The following DCC variants were observed in gnomAD, a reference collection of about 807,000 sequenced individuals.
The protein encoded by DCC is netrin receptor DCC.
In DCC, 58 loss-of-function variants were observed where a neutral mutation model predicts 172.5. That is an observed-to-expected ratio of 0.34 (90% CI 0.27 to 0.42). The LOEUF (loss-of-function observed/expected upper bound fraction) is 0.42. DCC is among the 10% of genes least tolerant of loss of function. The pLI, the probability that DCC is intolerant of heterozygous loss-of-function variation, is 1.00. For synonymous variants in DCC, 709 were observed against 644.5 expected, an observed-to-expected ratio of 1.10 and a Z score of -1.52; for missense variants, 1,740 against 1,791.0, an observed-to-expected ratio of 0.97 and a Z score of 0.51.
At chr18:53,051,404 A>C (rs564529401) in intron 5 of DCC, among the ~76,000 whole-genome samples, 4 of 152,060 alleles carry the variant, frequency 2.6e-5, no homozygotes, top group African/African-American at 9.7e-5. Context: ...GTTTATAATG[A>C]TGGAATTCTT....
chr18:52,497,332 T>C (rs1416689640), intron 1 of DCC, among the ~76,000 whole-genome samples: 7 of 103,960 alleles, frequency 6.7e-5, no homozygotes, highest in Non-Finnish European at 1.2e-4. Context: ...CACATATATA[T>C]ACACACGTAT....
Position 53,530,752 on chromosome 18 carries a change from T to C in DCC, c.*99T>C. The C allele has an allele frequency of 2.6e-6, 2 of 775,966 alleles. No individual in the cohort carries two copies. Among genetic ancestry groups the C allele is most frequent in the Admixed American group, 3.5e-5 (2 of 57,284 alleles). The allele number at this position is 775,966 out of a possible 1,614,324, so 48.1% of individuals were successfully genotyped here. On this transcript the variant is annotated 3_prime_UTR_variant, in exon 29 of 29. Transcript: ENST00000442544. ...CTGTGTCCAAGAACTCTAACCAGTG[T>C]ACAGGTCACCCATCAGGACCACTCA...
chr18:52,900,151 C>G (rs1212485571), intron 2 of DCC, among the ~76,000 whole-genome samples: 1 of 152,184 alleles, frequency 6.6e-6, no homozygotes, highest in Non-Finnish European at 1.5e-5. Context: ...AATTCTGTTA[C>G]TGCATTGAAC....
In DCC at chr18:53,157,494, C is replaced by T; in HGVS notation, c.1400C>T (p.Ser467Phe). 1.2e-6 allele frequency: 2 copies of T among 1,614,046 alleles called. No homozygotes were observed. Among genetic ancestry groups the T allele is most frequent in the Non-Finnish European group, 8.5e-7 (1 of 1,179,984 alleles). Reference sequence around the variant, plus strand: ...ATTCAAACTTTCACGGTCTTTTTCTCCAGAGAAGGTGACAACAGGTAGGTG... The same window carrying T: ...ATTCAAACTTTCACGGTCTTTTTCTTCAGAGAAGGTGACAACAGGTAGGTG... ...GNIQTFTVFF[S>F]REGDNRERAL... The change falls in exon 8 of 29, where the codon TCC becomes TTC. Residue 467 changes from serine (S) to phenylalanine (F), a missense_variant. Coordinates refer to ENST00000442544, the MANE Select transcript of DCC (RefSeq NM_005215.4).
chr18:52,900,086 C>A (rs7234192), intron 2 of DCC, among the ~76,000 whole-genome samples: 6,315 of 152,218 alleles, frequency 0.041, 180 homozygotes, highest in Non-Finnish European at 0.062. Flanking sequence ...GAGATAAAAC[C>A]TGTAGGACAA....
intron 15 of DCC, among the ~76,000 whole-genome samples, chr18:53,382,792 A>C (rs907785224): frequency 2.0e-5 from 3 of 152,116 alleles, no homozygotes; most frequent in Non-Finnish European, 4.4e-5. Flanking sequence ...CTTTGACTAC[A>C]TTAGATATAA....
intron 1 of DCC, among the ~76,000 whole-genome samples, chr18:52,402,020 C>A (rs1445913845): frequency 1.3e-5 from 2 of 151,894 alleles, no homozygotes; most frequent in Non-Finnish European, 2.9e-5. Flanking sequence ...GGTTGACTGT[C>A]TTCAAATCGT....
intron 5 of DCC, among the ~76,000 whole-genome samples, chr18:52,953,924 G>C (rs558702592): frequency 6.6e-6 from 1 of 152,318 alleles, no homozygotes; most frequent in African/African-American, 2.4e-5. Context: ...ATGAGTGTTG[G>C]AATGTTTAGG....
intron 9 of DCC, among the ~76,000 whole-genome samples, chr18:53,203,354 C>G (rs993888567): frequency 6.6e-6 from 1 of 151,764 alleles, no homozygotes; most frequent in Non-Finnish European, 1.5e-5. Context: ...TATCCTCATT[C>G]TTAAAATTTC....
intron 1 of DCC, among the ~76,000 whole-genome samples, chr18:52,581,792 C>A (rs373914780): frequency 6.6e-6 from 1 of 152,124 alleles, no homozygotes; most frequent in African/African-American, 2.4e-5. Flanking sequence ...TATTCACAAT[C>A]ACAATATGCT....
intron 7 of DCC, among the ~76,000 whole-genome samples, chr18:53,133,221 G>A (rs1251895473): frequency 6.6e-6 from 1 of 152,168 alleles, no homozygotes; most frequent in Non-Finnish European, 1.5e-5. Flanking sequence ...CACTGGTCTT[G>A]CAGATGCCCA....
intron 1 of DCC, among the ~76,000 whole-genome samples, chr18:52,588,602 T>C (rs1204475557): frequency 6.6e-6 from 1 of 152,166 alleles, no homozygotes; most frequent in Non-Finnish European, 1.5e-5. Flanking sequence ...GAAAGGTACA[T>C]ATGAGAAGGG....
intron 8 of DCC, among the ~76,000 whole-genome samples, chr18:53,165,849 CACTT>C (rs1452178271): frequency 6.6e-6 from 1 of 152,180 alleles, no homozygotes; most frequent in Non-Finnish European, 1.5e-5. Flanking sequence ...TATAACCACA[CACTT>C]AGTTAAGAGC....
intron 2 of DCC, among the ~76,000 whole-genome samples, chr18:52,852,640 T>C (rs1336371421): frequency 4.2e-5 from 6 of 144,356 alleles, no homozygotes; most frequent in Admixed American, 4.1e-4. Flanking sequence ...TGGTTAAAAT[T>C]TGGTTAAAAT....
intron 12 of DCC, among the ~76,000 whole-genome samples, chr18:53,244,936 C>T (rs1318167906): frequency 6.6e-6 from 1 of 152,096 alleles, no homozygotes; most frequent in Non-Finnish European, 1.5e-5. Context: ...TATATCCTAT[C>T]ATTTTAAATG....
At chr18:52,421,042 G>A (rs1036047771) in intron 1 of DCC, among the ~76,000 whole-genome samples, 2 of 152,076 alleles carry the variant, frequency 1.3e-5, no homozygotes, top group African/African-American at 2.4e-5. Context: ...TCACCTTATC[G>A]AATAATGATT....
At chr18:52,695,315 T>C (rs956473266) in intron 1 of DCC, among the ~76,000 whole-genome samples, 1 of 152,198 alleles carries the variant, frequency 6.6e-6, no homozygotes, top group Non-Finnish European at 1.5e-5. Context: ...CTGCAATCTG[T>C]TATGTAATCC....
intron 27 of DCC, among the ~76,000 whole-genome samples, chr18:53,510,616 T>TAAAG (rs1407817580): frequency 6.6e-6 from 1 of 152,218 alleles, no homozygotes; most frequent in Non-Finnish European, 1.5e-5. Context: ...TTATTCAAAC[T>TAAAG]AAAGAAGCTC....
chr18:53,416,299 T>C (rs569388608), intron 21 of DCC, 143 bp downstream of exon 21: 140 of 730,054 alleles, frequency 1.9e-4, no homozygotes, highest in Non-Finnish European at 2.7e-4. Context: ...ATCTTGTTAA[T>C]GAAGTTCTGC....
Sources: allele counts gnomAD v4.1 joint callset (sites outside exome capture counted in the v4.1 genomes callset), GRCh38; gene constraint gnomAD v4.1.1; transcripts MANE v1.5; gene names NCBI Gene and HGNC (gene_info 2026-07-23, HGNC 2026-07-21).